SCRG1: variants seen among roughly 807,000 people sequenced by gnomAD.
SCRG1 encodes the protein scrapie-responsive protein 1.
SCRG1 carries 3 observed loss-of-function variants against 7.7 expected under a neutral mutation model. The ratio of observed to expected loss-of-function variants is 0.39; its 90% CI spans 0.18 to 1.01. The LOEUF is 1.01. Among genes scored for constraint, SCRG1 ranks in the 50% least tolerant of loss-of-function variants. SCRG1 has a pLI of 0.36. For synonymous variants in SCRG1, 46 were observed against 41.2 expected (o/e 1.12, Z -0.44); for missense variants, 110 against 117.2 (o/e 0.94, Z 0.28).
the SCRG1 span, among the ~76,000 whole-genome samples, chr4:173,483,568 GATATATA>G: frequency 3.7e-5 from 3 of 80,896 alleles, no homozygotes; most frequent in Non-Finnish European, 6.4e-5. Context: ...ATTGTATTGT[GATATATA>G]ATATATATGA....
chr4:173,498,573 GCAGGGTTC>G, the SCRG1 span, among the ~76,000 whole-genome samples: 1 of 152,218 alleles, frequency 6.6e-6, no homozygotes, highest in Non-Finnish European at 1.5e-5. Flanking sequence ...ATAAGAATGA[GCAGGGTTC>G]CAGTGTTGGC....
At chr4:173,470,766 C>T in the SCRG1 span, among the ~76,000 whole-genome samples, 1 of 152,108 alleles carries the variant, frequency 6.6e-6, no homozygotes, top group African/African-American at 2.4e-5. Context: ...ATAGTTTCTT[C>T]AAGTTACATA....
the SCRG1 span, among the ~76,000 whole-genome samples, chr4:173,518,134 C>G: frequency 6.6e-6 from 1 of 152,214 alleles, no homozygotes; most frequent in African/African-American, 2.4e-5. Context: ...CTTCTGTTCT[C>G]TCGTTTTTTT....
chr4:173,516,758 T>C, the SCRG1 span, among the ~76,000 whole-genome samples: 1 of 152,136 alleles, frequency 6.6e-6, no homozygotes, highest in African/African-American at 2.4e-5. Flanking sequence ...GGAAGGTAAA[T>C]TACCCCGCGC....
chr4:173,430,004 T>G, the SCRG1 span, among the ~76,000 whole-genome samples: 6 of 152,128 alleles, frequency 3.9e-5, no homozygotes, highest in African/African-American at 1.4e-4. Flanking sequence ...CTATGGGTTT[T>G]TTTTTTTGTC....
chr4:173,517,271 G>A, the SCRG1 span, among the ~76,000 whole-genome samples: 1 of 152,214 alleles, frequency 6.6e-6, no homozygotes, highest in Non-Finnish European at 1.5e-5. Flanking sequence ...GGCCAGGCCC[G>A]TGCACAGGAA....
chr4:173,505,333 C>T, the SCRG1 span, among the ~76,000 whole-genome samples: 1 of 152,100 alleles, frequency 6.6e-6, no homozygotes, highest in Non-Finnish European at 1.5e-5. The surrounding 1 kb of genome is among the most constrained non-coding windows in gnomAD (Gnocchi z 4.4). Flanking sequence ...GAGCTGATGG[C>T]CCAAAAGGCA....
the SCRG1 span, among the ~76,000 whole-genome samples, chr4:173,476,363 A>AATATATATATATATATATAT: frequency 6.1e-5 from 6 of 98,454 alleles, no homozygotes; most frequent in South Asian, 1.0e-3. Flanking sequence ...GGAAAAAAAA[A>AATATATATATATATATATAT]ATATATATAT....
chr4:173,479,650 A>G, the SCRG1 span, among the ~76,000 whole-genome samples: 1 of 151,894 alleles, frequency 6.6e-6, no homozygotes, highest in South Asian at 2.1e-4. Context: ...CATGTTACTC[A>G]GGCTGGTCTC....
chr4:173,448,250 A>T, the SCRG1 span, among the ~76,000 whole-genome samples: 83,306 of 152,092 alleles, frequency 0.55, 24,370 homozygotes, highest in Non-Finnish European at 0.67. Flanking sequence ...CTCAAGGCCA[A>T]CTGGAGTTGG....
chr4:173,394,768 A>G (rs4696066), intron 1 of SCRG1, among the ~76,000 whole-genome samples: 3,389 of 152,322 alleles, frequency 0.022, 59 homozygotes, highest in African/African-American at 0.051. Context: ...CACAATTTAC[A>G]TCTATTTATA....
the SCRG1 span, among the ~76,000 whole-genome samples, chr4:173,518,635 T>C: frequency 1.3e-5 from 2 of 152,044 alleles, no homozygotes; most frequent in Non-Finnish European, 2.9e-5. Flanking sequence ...TTCCAGAACC[T>C]GCCGAGCCCC....
At chr4:173,479,007 A>G in the SCRG1 span, among the ~76,000 whole-genome samples, 1 of 152,186 alleles carries the variant, frequency 6.6e-6, no homozygotes, top group Non-Finnish European at 1.5e-5. Flanking sequence ...ACTCTATACT[A>G]AGAGTCTACT....
At chr4:173,475,944 T>C in the SCRG1 span, among the ~76,000 whole-genome samples, 1 of 152,114 alleles carries the variant, frequency 6.6e-6, no homozygotes, top group Non-Finnish European at 1.5e-5. Context: ...CCTGAGGCAG[T>C]TAGTGATGAA....
At chr4:173,431,252 A>G in the SCRG1 span, among the ~76,000 whole-genome samples, 2 of 152,208 alleles carry the variant, frequency 1.3e-5, no homozygotes, top group Non-Finnish European at 2.9e-5. Flanking sequence ...CTGGGGTTCA[A>G]GCAGGGGAAC....
chr4:173,391,960 G>A (rs1739461955), intron 1 of SCRG1, among the ~76,000 whole-genome samples: 1 of 152,132 alleles, frequency 6.6e-6, no homozygotes, highest in Non-Finnish European at 1.5e-5. Flanking sequence ...AAGTGTTGGT[G>A]GGGGCTGCAA....
At chr4:173,393,091 G>GA (rs144270068) in intron 1 of SCRG1, among the ~76,000 whole-genome samples, 123 of 136,506 alleles carry the variant, frequency 9.0e-4, no homozygotes, top group African/African-American at 1.2e-3. Flanking sequence ...ACTCCGTCTC[G>GA]AAAAAAAAAA....
At chr4:173,510,754 G>A in the SCRG1 span, among the ~76,000 whole-genome samples, 2 of 152,076 alleles carry the variant, frequency 1.3e-5, no homozygotes, top group Non-Finnish European at 2.9e-5. This position sits in a 1 kb window ranked among gnomAD's most constrained non-coding sequence, Gnocchi z 5.7. Flanking sequence ...AGACCTAGCT[G>A]TCCTCCATCC....
At chr4:173,435,123 T>C in the SCRG1 span, among the ~76,000 whole-genome samples, 2 of 644 alleles carry the variant, frequency 3.1e-3, no homozygotes, top group African/African-American at 5.0e-3. Flanking sequence ...TATCTATGTG[T>C]GTGTGTGTGT....
Sources: gnomAD v4.1 joint callset for allele counts (sites outside exome capture counted in the v4.1 genomes callset) on GRCh38, gnomAD v4.1.1 for gene constraint, Gnocchi (gnomAD v3.1) non-coding constraint, MANE v1.5 for transcripts, NCBI Gene and HGNC (gene_info 2026-07-23, HGNC 2026-07-21) for gene names.